Variants in WNT3A observed in about 807,000 individuals in gnomAD.
WNT3A encodes the protein protein Wnt-3a.
Under a neutral mutation model 37.0 loss-of-function variants are expected in WNT3A, and 17 were observed. The observed-to-expected ratio is 0.46, with a 90% confidence interval of 0.31 to 0.69. The LOEUF (loss-of-function observed/expected upper bound fraction) is 0.69. Among genes scored for constraint, WNT3A ranks in the 30% least tolerant of loss-of-function variants. The probability of loss-of-function intolerance (pLI) is 0.05; values close to 1 mark genes in which losing one functional copy is unlikely to be tolerated. For synonymous variants in WNT3A, 187 were observed against 211.0 expected, an observed-to-expected ratio of 0.89 and a Z score of 0.99; for missense variants, 411 against 510.2, an observed-to-expected ratio of 0.81 and a Z score of 1.87.
At chr1:228,046,083 G>C (rs573315885) in intron 2 of WNT3A, among the ~76,000 whole-genome samples, 20 of 152,348 alleles carry the variant, frequency 1.3e-4, no homozygotes, top group African/African-American at 4.8e-4. Context: ...GGTCCAGCCT[G>C]AGCCAAGGAA....
rs775207564 is a variant in WNT3A, at chr1:228,059,267, G to A, written c.861G>A (p.Thr287=). The change falls in exon 4 of 4, where the codon ACG becomes ACA. Residue 287 remains threonine (T), a synonymous_variant. Transcript: ENST00000284523. Reference sequence around the variant, plus strand: ...ACTTCTGCGAGCCCAACCCTGAGACGGGCTCCTTCGGCACGCGCGACCGCA... The same window carrying A: ...ACTTCTGCGAGCCCAACCCTGAGACAGGCTCCTTCGGCACGCGCGACCGCA... ...SPNFCEPNPE[T]GSFGTRDRTC... is the part of the protein sequence containing the mutation. The A allele has an allele frequency of 2.5e-6, 4 of 1,602,718 alleles. No homozygotes were observed. The highest frequency in any genetic ancestry group is 1.7e-4 in the Middle Eastern group (1 of 6,012).
In WNT3A at chr1:228,050,588, C is replaced by G; in HGVS notation, c.314-68C>G. On this transcript the variant is annotated intron_variant, in intron 2 of 3. Coordinates refer to ENST00000284523, the MANE Select transcript of WNT3A (RefSeq NM_033131.4). The surrounding 1 kb of genome is among the most constrained non-coding windows in gnomAD (Gnocchi z 5.0). ...TATAACAATGCAAATGGGCTAAGAC[C>G]CCTGACCTGCCCAAGGCGGTCCTTT... The G allele has an allele frequency of 2.0e-6, 3 of 1,512,800 alleles. No homozygotes were observed. Among genetic ancestry groups the G allele is most frequent in the Non-Finnish European group, 2.7e-6 (3 of 1,131,798 alleles). The allele number at this position is 1,512,800 out of a possible 1,614,324, so 93.7% of individuals were successfully genotyped here. A position where few individuals can be genotyped will look rare whatever the true frequency, so the allele number is the denominator to read the frequency against.
intron 3 of WNT3A, among the ~76,000 whole-genome samples, chr1:228,055,711 G>A (rs890455225): frequency 9.2e-5 from 14 of 152,200 alleles, no homozygotes; most frequent in Non-Finnish European, 1.8e-4. Context: ...AATTCCTAGT[G>A]TCTGATATCT....
intron 1 of WNT3A, among the ~76,000 whole-genome samples, chr1:228,012,725 G>C (rs2030410365): frequency 6.6e-6 from 1 of 152,188 alleles, no homozygotes; most frequent in South Asian, 2.1e-4. Flanking sequence ...AAGGGGCAGG[G>C]GCTGGGGCAG....
intron 1 of WNT3A, among the ~76,000 whole-genome samples, chr1:228,020,361 C>A (rs922926037): frequency 2.6e-4 from 40 of 152,352 alleles, no homozygotes; most frequent in Non-Finnish European, 4.4e-4. Context: ...AACCACGAGT[C>A]CAGCCCCTAC....
intron 2 of WNT3A, among the ~76,000 whole-genome samples, chr1:228,048,199 T>C (rs1354102464): frequency 6.6e-6 from 1 of 152,208 alleles, no homozygotes; most frequent in African/African-American, 2.4e-5. Flanking sequence ...GGCCTCCTTC[T>C]ATCCCCATAG....
intron 3 of WNT3A, among the ~76,000 whole-genome samples, chr1:228,055,229 C>A (rs2031662154): frequency 9.6e-6 from 1 of 104,486 alleles, no homozygotes; most frequent in Non-Finnish European, 1.8e-5. Flanking sequence ...TACACACACA[C>A]AATAGATTTG....
intron 1 of WNT3A, among the ~76,000 whole-genome samples, chr1:228,016,020 G>C (rs1258059819): frequency 6.6e-6 from 1 of 152,138 alleles, no homozygotes; most frequent in Admixed American, 6.5e-5. Context: ...GTCTGTGCCC[G>C]TCACCTTCTG....
At chr1:228,020,121 G>A (rs1416300161) in intron 1 of WNT3A, among the ~76,000 whole-genome samples, 1 of 152,264 alleles carries the variant, frequency 6.6e-6, no homozygotes, top group East Asian at 1.9e-4. Context: ...CTACTCGGGA[G>A]GGTGAGGCAG....
rs1558297714 is a variant in WNT3A at position 228,059,817 on chromosome 1, G to T, written c.*352G>T. The stretch of plus-strand genomic sequence containing the variant: ...GTGGGACAGGGCTTCTCCTGCGGGG[G>T]CGAGGCCCCTCCCAGTAAGGGCGTG... On this transcript the variant is annotated 3_prime_UTR_variant, in exon 4 of 4. Transcript: ENST00000284523. 6.4e-6 allele frequency: 7 copies of T among 1,094,594 alleles called. No homozygotes were observed. Among genetic ancestry groups the T allele is most frequent in the Non-Finnish European group, 7.8e-6 (7 of 899,242 alleles). 67.8% of individuals were successfully genotyped at this position (1,094,594 alleles called of 1,614,324 possible).
intron 3 of WNT3A, among the ~76,000 whole-genome samples, chr1:228,054,775 C>G (rs540626165): frequency 6.9e-6 from 1 of 144,570 alleles, no homozygotes; most frequent in African/African-American, 2.5e-5. Flanking sequence ...TTATTAGACA[C>G]AGACTTTGAG....
At chr1:228,056,679 G>A (rs1189994556) in intron 3 of WNT3A, among the ~76,000 whole-genome samples, 1 of 152,110 alleles carries the variant, frequency 6.6e-6, no homozygotes, top group Non-Finnish European at 1.5e-5. Context: ...GACCAAACAG[G>A]CCACTAAGTG....
At position 228,008,852 on chromosome 1, in the gene WNT3A, C is replaced by G. The variant is rs1205146017; in HGVS notation, c.71+1653C>G. Among the ~76,000 whole-genome samples, 4 of 152,218 alleles carry G rather than the reference C, an allele frequency of 2.6e-5. No homozygotes were observed. The highest frequency in any genetic ancestry group is 5.9e-5 in the Non-Finnish European group (4 of 68,030). ...CTTGTCGGCCCTGAGGGTTCCTAGC[C>G]TCGGTCCCCATCCACCTCATATGCA... On this transcript the variant is annotated intron_variant, in intron 1 of 3. Coordinates refer to ENST00000284523, the MANE Select transcript of WNT3A (RefSeq NM_033131.4). The surrounding 1 kb of genome is among the most constrained non-coding windows in gnomAD (Gnocchi z 4.9).
chr1:228,040,012 C>T (rs2031239170), intron 2 of WNT3A, among the ~76,000 whole-genome samples: 1 of 152,214 alleles, frequency 6.6e-6, no homozygotes, highest in African/African-American at 2.4e-5. Context: ...TCTCCTCTCG[C>T]CCTGTATCAG....
intron 3 of WNT3A, among the ~76,000 whole-genome samples, chr1:228,057,466 C>G (rs960795475): frequency 1.3e-5 from 2 of 152,198 alleles, no homozygotes; most frequent in African/African-American, 4.8e-5. Context: ...CTGTTGGACT[C>G]TTCCAAGTAA....
Position 228,007,738 on chromosome 1 carries a change from C to A in WNT3A, c.71+539C>A, listed in dbSNP as rs2030242529. Among the ~76,000 whole-genome samples, 1 of 151,940 alleles carries A rather than the reference C, an allele frequency of 6.6e-6. No homozygotes were observed. The highest frequency in any genetic ancestry group is 1.5e-5 in the Non-Finnish European group (1 of 67,936). ...GCGGGGAGTGGCGCAGAGCCGGCGG[C>A]GGGGCGCACTGGGGGCCGGCCCTGG... On this transcript the variant is annotated intron_variant, in intron 1 of 3. Coordinates refer to ENST00000284523, the MANE Select transcript of WNT3A (RefSeq NM_033131.4). This position sits in a 1 kb window ranked among gnomAD's most constrained non-coding sequence, Gnocchi z 6.0.
rs969632688 is a variant in WNT3A, at chr1:228,028,812, G to A, written c.313+5904G>A. Among the ~76,000 whole-genome samples the A allele has an allele frequency of 9.2e-5, 14 of 152,274 alleles. No individual in the cohort carries two copies. In the South Asian group the frequency reaches 1.2e-3, roughly 14 times the overall value. On this transcript the variant is annotated intron_variant, in intron 2 of 3. Coordinates refer to ENST00000284523, the MANE Select transcript of WNT3A (RefSeq NM_033131.4). ...TGTGTAGTCTATGATTTTCTTCAGC[G>A]GGGTTGGCTGCAGGTTTTTCACAAA...
intron 1 of WNT3A, among the ~76,000 whole-genome samples, chr1:228,019,134 A>C (rs2102763613): frequency 6.6e-6 from 1 of 152,320 alleles, no homozygotes; most frequent in Non-Finnish European, 1.5e-5. Flanking sequence ...GGGGCACAGA[A>C]CTGGCTGACT....
intron 2 of WNT3A, among the ~76,000 whole-genome samples, chr1:228,044,584 AC>A (rs2031359652): frequency 6.6e-6 from 1 of 152,164 alleles, no homozygotes; most frequent in African/African-American, 2.4e-5. Context: ...GGGTGAGAAT[AC>A]CTCAAAGGCT....
Sources: allele counts gnomAD v4.1 joint callset (sites outside exome capture counted in the v4.1 genomes callset), GRCh38; gene constraint gnomAD v4.1.1; non-coding constraint Gnocchi (gnomAD v3.1); transcripts MANE v1.5; gene names NCBI Gene and HGNC (gene_info 2026-07-23, HGNC 2026-07-21).